The following PTPRA variants were observed in gnomAD, a reference collection of about 807,000 sequenced individuals.
PTPRA encodes the protein protein tyrosine phosphatase receptor type A.
In PTPRA, 25 loss-of-function variants were observed where a neutral mutation model predicts 104.8. The ratio of observed to expected loss-of-function variants is 0.24; its 90% CI spans 0.17 to 0.33. PTPRA has a LOEUF of 0.33. Among genes scored for constraint, PTPRA ranks in the 10% least tolerant of loss-of-function variants. The probability of loss-of-function intolerance (pLI) is 1.00; values close to 1 mark genes in which losing one functional copy is unlikely to be tolerated. For missense variants in PTPRA, 765 were observed against 1,015.3 expected, an observed-to-expected ratio of 0.75 and a Z score of 3.35; for synonymous variants, 323 against 368.9, an observed-to-expected ratio of 0.88 and a Z score of 1.43.
chr20:2,970,879 C>T (rs1310399283), intron 5 of PTPRA, among the ~76,000 whole-genome samples: 2 of 151,984 alleles, frequency 1.3e-5, no homozygotes, highest in African/African-American at 2.4e-5. Flanking sequence ...AGCTATGGAT[C>T]TGTTTTTCCC....
chr20:3,003,464 T>C (rs558818604), intron 9 of PTPRA, among the ~76,000 whole-genome samples: 1 of 152,320 alleles, frequency 6.6e-6, no homozygotes, highest in South Asian at 2.1e-4. Context: ...TTGAAAAGTT[T>C]TTTTAAGGCT....
intron 2 of PTPRA, among the ~76,000 whole-genome samples, chr20:2,936,377 G>A (rs1478880725): frequency 6.6e-6 from 1 of 151,934 alleles, no homozygotes; most frequent in Non-Finnish European, 1.5e-5. Context: ...TGCCCAGGCT[G>A]GTTTTGAACT....
rs538805989 is a variant in PTPRA, at chr20:2,881,946, G to T, written c.-129+8186G>T. 3.0e-3 allele frequency among the ~76,000 whole-genome samples: 462 copies of T among 152,286 alleles called. 1 individual carries two copies. Among genetic ancestry groups the T allele is most frequent in the African/African-American group, 0.01 (429 of 41,558 alleles). Reference sequence around the variant, plus strand: ...ACCTGGGAGGCGGAGATTGCAGTGAGCTGAGGTTGCGCCGCTGTACTCCAG... The same window carrying T: ...ACCTGGGAGGCGGAGATTGCAGTGATCTGAGGTTGCGCCGCTGTACTCCAG... On this transcript the variant is annotated intron_variant, in intron 1 of 23. Coordinates refer to ENST00000399903, the MANE Select transcript of PTPRA (RefSeq NM_001385305.1).
At chr20:2,958,838 C>A (rs1195636288) in intron 3 of PTPRA, among the ~76,000 whole-genome samples, 1 of 118,492 alleles carries the variant, frequency 8.4e-6, no homozygotes, top group African/African-American at 3.7e-5. Flanking sequence ...CAGAGCGAGA[C>A]TGTATCAAAA....
intron 3 of PTPRA, among the ~76,000 whole-genome samples, chr20:2,957,649 A>G (rs1238189236): frequency 6.6e-6 from 1 of 152,228 alleles, no homozygotes; most frequent in African/African-American, 2.4e-5. Flanking sequence ...AAAAAAATGC[A>G]GGGTTCCTAA....
chr20:2,895,339 G>A lies in PTPRA; in HGVS notation c.-129+21579G>A, dbSNP rs138475085. 4.9e-3 allele frequency among the ~76,000 whole-genome samples: 744 copies of A among 151,842 alleles called. 5 individuals carry two copies. The highest frequency in any genetic ancestry group is 0.017 in the African/African-American group (714 of 41,426). ...GATCCACCCACCTCAGCCTCCCAAA[G>A]TGCATAAGTGCTGGGATTACAGGTG... On this transcript the variant is annotated intron_variant, in intron 1 of 23. Transcript: ENST00000399903.
intron 1 of PTPRA, among the ~76,000 whole-genome samples, chr20:2,905,405 CT>C (rs1160618658): frequency 1.3e-5 from 2 of 152,180 alleles, no homozygotes; most frequent in African/African-American, 4.8e-5. Flanking sequence ...TCTAGCACAT[CT>C]TGCCTTCGTC....
At position 3,038,088 on chromosome 20, in the gene PTPRA, G is replaced by A. The variant is rs769164039; in HGVS notation, c.2364G>A (p.Val788=). 8.7e-6 allele frequency: 14 copies of A among 1,613,484 alleles called. No homozygotes were observed. The African/African-American group carries it at 1.2e-4, about 14-fold the overall frequency. ...LEQYEFCYKV[V]QEYIDAFSDY... ...AGTATGAGTTCTGCTACAAGGTGGT[G>A]CAGGAGTATATTGATGCATTCTCAG... The change falls in exon 24 of 24, where the codon GTG becomes GTA. Residue 788 remains valine, a synonymous_variant. Transcript: ENST00000399903.
intron 17 of PTPRA, among the ~76,000 whole-genome samples, chr20:3,025,868 CAAA>C (rs560575967): frequency 8.8e-5 from 6 of 67,944 alleles, no homozygotes; most frequent in African/African-American, 9.1e-5. Flanking sequence ...GACTCTGTCT[CAAA>C]AAAAAAAAAA....
Position 3,037,916 on chromosome 20 carries a change from C to T in PTPRA, c.2335-143C>T, listed in dbSNP as rs1182802380. ...GGAATGCTGTCAGAACTCTGGCAGG[C>T]AGATCAGAGCTCAGGTGAAAGTTCA... On this transcript the variant is annotated intron_variant, in intron 23 of 23. Coordinates refer to ENST00000399903, the MANE Select transcript of PTPRA (RefSeq NM_001385305.1). This position sits in a 1 kb window ranked among gnomAD's most constrained non-coding sequence, Gnocchi z 4.3. 1 of 688,512 alleles carries T rather than the reference C, an allele frequency of 1.5e-6. No individual in the cohort carries two copies. Among genetic ancestry groups the T allele is most frequent in the Non-Finnish European group, 2.5e-6 (1 of 397,470 alleles). 42.7% of individuals were successfully genotyped at this position (688,512 alleles called of 1,614,324 possible).
intron 3 of PTPRA, among the ~76,000 whole-genome samples, chr20:2,954,180 T>G (rs2061454596): frequency 6.7e-6 from 1 of 149,106 alleles, no homozygotes; most frequent in African/African-American, 2.5e-5. Context: ...TGGGTTCAAG[T>G]GATTTTCCTG....
intron 2 of PTPRA, 86 bp from the exon 3 acceptor site, chr20:2,947,896 G>T (rs763972113): frequency 4.6e-5 from 26 of 561,100 alleles, no homozygotes; most frequent in Non-Finnish European, 7.4e-5. Flanking sequence ...TTTGCCTATC[G>T]ATAATTTCTG....
At chr20:2,895,629 G>A (rs2058969277) in intron 1 of PTPRA, among the ~76,000 whole-genome samples, 1 of 152,088 alleles carries the variant, frequency 6.6e-6, no homozygotes, top group Non-Finnish European at 1.5e-5. Context: ...CAATTCTCGT[G>A]CCTCAGCCTC....
intron 1 of PTPRA, among the ~76,000 whole-genome samples, chr20:2,874,372 T>A (rs900010762): frequency 6.6e-6 from 1 of 151,254 alleles, no homozygotes; most frequent in African/African-American, 2.4e-5. Context: ...AATTAGTTAC[T>A]AATTATATCT....
intron 1 of PTPRA, among the ~76,000 whole-genome samples, chr20:2,913,141 C>T (rs756790016): frequency 6.6e-6 from 1 of 151,944 alleles, no homozygotes; most frequent in East Asian, 1.9e-4. Flanking sequence ...TTTAGGATGA[C>T]GAGGTGGGCA....
At chr20:2,948,921 C>T (rs988088268) in intron 3 of PTPRA, among the ~76,000 whole-genome samples, 3 of 151,982 alleles carry the variant, frequency 2.0e-5, no homozygotes, top group Admixed American at 6.6e-5. Flanking sequence ...CACTGCACTC[C>T]AGCCTGGGTG....
At chr20:2,989,983 C>T (rs1600221196) in intron 9 of PTPRA, among the ~76,000 whole-genome samples, 1 of 152,274 alleles carries the variant, frequency 6.6e-6, no homozygotes, top group South Asian at 2.1e-4. Context: ...TGCTACTGCA[C>T]TGCAGCCTGG....
chr20:3,018,027 G>A, intron 13 of PTPRA, 114 bp downstream of exon 13: 5 of 868,622 alleles, frequency 5.8e-6, no homozygotes, highest in Non-Finnish European at 9.1e-6. Flanking sequence ...CATCCAGAAA[G>A]ACACAGGCTG....
chr20:3,013,220 A>G (rs1055235196), intron 11 of PTPRA, among the ~76,000 whole-genome samples: 2 of 152,162 alleles, frequency 1.3e-5, no homozygotes, highest in African/African-American at 4.8e-5. Flanking sequence ...GAAGGGAACT[A>G]GGCACCATGG....
Sources: allele counts gnomAD v4.1 joint callset (sites outside exome capture counted in the v4.1 genomes callset), GRCh38; gene constraint gnomAD v4.1.1; non-coding constraint Gnocchi (gnomAD v3.1); transcripts MANE v1.5; gene names NCBI Gene and HGNC (gene_info 2026-07-23, HGNC 2026-07-21).